Variants in UBE2N observed in about 807,000 individuals in gnomAD.
UBE2N encodes the protein ubiquitin-conjugating enzyme E2 N.
For synonymous variants in UBE2N, 70 were observed against 69.2 expected, an observed-to-expected ratio of 1.01 and a Z score of -0.06; for missense variants, 60 against 192.1, an observed-to-expected ratio of 0.31 and a Z score of 4.07.
In UBE2N at chr12:93,406,752, T is replaced by C. The variant is rs890777168; in HGVS notation, c.*3287A>G. ...ACATAAGCGGGAGGATTTGTGTAGA[T>C]TGTATGCATATACAACATCATTTTA... On this transcript the variant is annotated 3_prime_UTR_variant, in exon 4 of 4. Transcript: ENST00000318066. The C allele has an allele frequency of 2.0e-5, 3 of 152,194 alleles. No individual in the cohort carries two copies. The highest frequency in any genetic ancestry group is 1.9e-4 in the East Asian group (1 of 5,198). 9.4% of individuals were successfully genotyped at this position (152,194 alleles called of 1,614,324 possible).
chr12:93,414,251 A>T (rs983949811), intron 1 of UBE2N, among the ~76,000 whole-genome samples: 3 of 151,772 alleles, frequency 2.0e-5, no homozygotes, highest in African/African-American at 7.3e-5. Context: ...GGAGTTCGAG[A>T]CCAGCCTGAT....
At chr12:93,428,409 C>T (rs187826630) in intron 1 of UBE2N, among the ~76,000 whole-genome samples, 6 of 152,288 alleles carry the variant, frequency 3.9e-5, no homozygotes, top group Admixed American at 2.6e-4. Context: ...CCCTTTTCTA[C>T]TTATGCTTCA....
At chr12:93,441,717 C>T in intron 1 of UBE2N, 138 bp downstream of exon 1, 1 of 1,205,844 alleles carries the variant, frequency 8.3e-7, no homozygotes, top group Non-Finnish European at 1.1e-6. Flanking sequence ...TCCCTCGCCG[C>T]CGCGGCCAAC....
chr12:93,410,616 TCTCA>T (rs1878005728), intron 3 of UBE2N, 114 bp downstream of exon 3: 10 of 1,443,282 alleles, frequency 6.9e-6, no homozygotes, highest in Non-Finnish European at 8.5e-6. Flanking sequence ...ATAAGCAGGA[TCTCA>T]CTTATTATAC....
chr12:93,436,797 GAAGAT>G (rs1359173109), intron 1 of UBE2N, among the ~76,000 whole-genome samples: 2 of 152,146 alleles, frequency 1.3e-5, no homozygotes, highest in Non-Finnish European at 2.9e-5. Flanking sequence ...CTTTGGTCCA[GAAGAT>G]AAGGCAGAAA....
chr12:93,419,739 C>T (rs1276358809), intron 1 of UBE2N, among the ~76,000 whole-genome samples: 1 of 152,244 alleles, frequency 6.6e-6, no homozygotes, highest in Non-Finnish European at 1.5e-5. Context: ...TATATGATCA[C>T]TCCTTGCTTT....
intron 3 of UBE2N, 78 bp downstream of exon 3, chr12:93,410,656 A>C (rs1448611088): frequency 6.3e-7 from 1 of 1,575,402 alleles, no homozygotes; most frequent in Non-Finnish European, 8.6e-7. Context: ...TTCCTTGCCA[A>C]GAGCTTTAGA....
intron 1 of UBE2N, among the ~76,000 whole-genome samples, chr12:93,432,145 T>C (rs761691390): frequency 5.8e-4 from 88 of 152,252 alleles, no homozygotes; most frequent in Non-Finnish European, 1.0e-3. Flanking sequence ...GGCAGGAGAA[T>C]TGCTTGAACC....
chr12:93,425,935 G>A (rs912519635), intron 1 of UBE2N, among the ~76,000 whole-genome samples: 12 of 152,100 alleles, frequency 7.9e-5, no homozygotes, highest in Non-Finnish European at 1.2e-4. Flanking sequence ...CAATAATCAC[G>A]AGTTGACATA....
In UBE2N at chr12:93,409,051, A is replaced by G. The variant is rs1359582510; in HGVS notation, c.*988T>C. ...ACAGTAATTTTTAAACATTGTGGCA[A>G]GACACCAATGATCATCTAATCAGAC... On this transcript the variant is annotated 3_prime_UTR_variant, in exon 4 of 4. Transcript: ENST00000318066. 6.5e-6 allele frequency: 1 copy of G among 152,674 alleles called. No homozygotes were observed. The highest frequency in any genetic ancestry group is 1.5e-5 in the Non-Finnish European group (1 of 68,050). The allele number at this position is 152,674 out of a possible 1,614,324, so 9.5% of individuals were successfully genotyped here.
Position 93,406,695 on chromosome 12 carries a change from T to G in UBE2N, c.*3344A>C, listed in dbSNP as rs1877837225. On this transcript the variant is annotated 3_prime_UTR_variant, in exon 4 of 4. Transcript: ENST00000318066. ...GTAACTATTTACATAGCACTTACATTATAATAGGTATTATAAGTAATCTAA... is the reference window on the plus strand; with the variant it reads ...GTAACTATTTACATAGCACTTACATGATAATAGGTATTATAAGTAATCTAA... 6.6e-6 allele frequency: 1 copy of G among 152,234 alleles called. No individual in the cohort carries two copies. Among genetic ancestry groups the G allele is most frequent in the Non-Finnish European group, 1.5e-5 (1 of 68,040 alleles). 9.4% of individuals were successfully genotyped at this position (152,234 alleles called of 1,614,324 possible).
At position 93,441,863 on chromosome 12, in the gene UBE2N, T is replaced by C; in HGVS notation, c.22A>G (p.Ile8Val). MAGLPRRIIKETQRLLAE... is the reference protein window; with the variant it reads MAGLPRRVIKETQRLLAE... Reference sequence around the variant, plus strand: ...CCGGCCTGGGCGGTTACCTTGATGATCCTGCGGGGCAGCCCGGCCATCTTG... The same window carrying C: ...CCGGCCTGGGCGGTTACCTTGATGACCCTGCGGGGCAGCCCGGCCATCTTG... Residue 8 changes from isoleucine to valine, a missense_variant, in exon 1 of 4, where the codon ATC becomes GTC. Physicochemically the swap from Ile to Val is conservative, Grantham distance 29. Transcript: ENST00000318066. The C allele has an allele frequency of 6.3e-7, 1 of 1,578,926 alleles. No homozygotes were observed. The highest frequency in any genetic ancestry group is 1.1e-5 in the South Asian group (1 of 87,544).
intron 1 of UBE2N, 106 bp from the exon 2 acceptor site, chr12:93,411,405 T>A: frequency 7.0e-7 from 1 of 1,438,560 alleles, no homozygotes; most frequent in Middle Eastern, 1.8e-4. Context: ...ATAGAACAGC[T>A]CCAATCTCCC....
intron 1 of UBE2N, among the ~76,000 whole-genome samples, chr12:93,435,704 T>C (rs1878914985): frequency 6.6e-6 from 1 of 152,158 alleles, no homozygotes; most frequent in South Asian, 2.1e-4. Context: ...ACCTATCAAA[T>C]GAGTGGCTTT....
intron 1 of UBE2N, chr12:93,429,315 T>C (rs1323099739): frequency 2.4e-6 from 1 of 419,206 alleles, no homozygotes; most frequent in South Asian, 1.7e-5. Context: ...CAACTTGATA[T>C]ATAAATGAAT....
At chr12:93,412,278 G>A (rs1878052347) in intron 1 of UBE2N, among the ~76,000 whole-genome samples, 1 of 151,948 alleles carries the variant, frequency 6.6e-6, no homozygotes, top group Non-Finnish European at 1.5e-5. Context: ...ATCCTCACTT[G>A]TGGCTGATGT....
chr12:93,415,292 C>T (rs2121062265), intron 1 of UBE2N, among the ~76,000 whole-genome samples: 1 of 152,308 alleles, frequency 6.6e-6, no homozygotes, highest in South Asian at 2.1e-4. Flanking sequence ...CAAATAACTT[C>T]TCTCTCAGCA....
chr12:93,428,852 G>C (rs1878667228), intron 1 of UBE2N, among the ~76,000 whole-genome samples: 1 of 152,218 alleles, frequency 6.6e-6, no homozygotes, highest in Admixed American at 6.5e-5. Flanking sequence ...AAATAGGCAA[G>C]GTCTGGCCAA....
intron 1 of UBE2N, among the ~76,000 whole-genome samples, chr12:93,430,819 A>G (rs185789325): frequency 4.0e-5 from 6 of 148,192 alleles, no homozygotes; most frequent in Non-Finnish European, 8.9e-5. Context: ...TATATAAAAA[A>G]TTTTTTTAAA....
Sources: allele counts gnomAD v4.1 joint callset (sites outside exome capture counted in the v4.1 genomes callset), GRCh38; gene constraint gnomAD v4.1.1; transcripts MANE v1.5; gene names NCBI Gene and HGNC (gene_info 2026-07-23, HGNC 2026-07-21).